The following PNPT1 variants were observed in gnomAD, a reference collection of about 807,000 sequenced individuals.
PNPT1 encodes the protein polyribonucleotide nucleotidyltransferase 1.
A neutral mutation model predicts 119.5 loss-of-function variants in PNPT1; 53 were observed. That is an observed-to-expected ratio of 0.44 (90% CI 0.36 to 0.56). PNPT1 has a LOEUF of 0.56. Among genes scored for constraint, PNPT1 ranks in the 20% least tolerant of loss-of-function variants. The probability of loss-of-function intolerance (pLI) is 0.00; values close to 1 mark genes in which losing one functional copy is unlikely to be tolerated. For synonymous variants in PNPT1, 357 were observed against 322.1 expected (o/e 1.11, Z -1.16); for missense variants, 948 against 938.5 (o/e 1.01, Z -0.13).
At chr2:55,647,518 A>T (rs1696039703) in intron 18 of PNPT1, 65 bp from the exon 19 acceptor site, 3 of 1,288,872 alleles carry the variant, frequency 2.3e-6, no homozygotes, top group Non-Finnish European at 3.2e-6. Flanking sequence ...ATATTTATCT[A>T]TCAATTTTTT....
intron 17 of PNPT1, among the ~76,000 whole-genome samples, chr2:55,655,415 C>T (rs1221763979): frequency 6.6e-6 from 1 of 152,170 alleles, no homozygotes; most frequent in Non-Finnish European, 1.5e-5. Context: ...CCACCAAGCC[C>T]AGCCTATCAC....
At chr2:55,656,007 T>C (rs1479899584) in intron 17 of PNPT1, 124 bp downstream of exon 17, 13 of 1,214,612 alleles carry the variant, frequency 1.1e-5, no homozygotes, top group Non-Finnish European at 1.5e-5. Flanking sequence ...TCAATACATT[T>C]TTCTCTTGCA....
chr2:55,646,918 A>G (rs1461292371), intron 19 of PNPT1, among the ~76,000 whole-genome samples: 1 of 152,086 alleles, frequency 6.6e-6, no homozygotes, highest in East Asian at 1.9e-4. Context: ...GGCTCACTGC[A>G]ACCTCTGCCT....
intron 2 of PNPT1, 42 bp downstream of exon 2, chr2:55,687,603 T>C (rs1697453832): frequency 6.8e-6 from 10 of 1,471,284 alleles, no homozygotes; most frequent in South Asian, 1.3e-5. Flanking sequence ...TGAGTCTCCG[T>C]AACCATTTTT....
In PNPT1 at chr2:55,637,582, G is replaced by A. The variant is rs983072995; in HGVS notation, c.2166C>T (p.Ala722=). The change falls in exon 27 of 28, where the codon GCC becomes GCT. Residue 722 remains alanine, a synonymous_variant. Coordinates refer to ENST00000447944, the MANE Select transcript of PNPT1 (RefSeq NM_033109.5). ...TTTCTTGGCCAACTTCTAATCCTAG[G>A]GCAGTAGGATGTTTAATCTGGAAAA... is the stretch of plus-strand genomic sequence containing the variant. ...LDQRKIKHPT[A]LGLEVGQEIQ... The A allele has an allele frequency of 3.1e-6, 5 of 1,604,652 alleles. No individual in the cohort carries two copies. Among genetic ancestry groups the A allele is most frequent in the Non-Finnish European group, 3.4e-6 (4 of 1,171,556 alleles).
intron 23 of PNPT1, among the ~76,000 whole-genome samples, chr2:55,644,076 T>G (rs1449504911): frequency 5.3e-5 from 8 of 152,136 alleles, no homozygotes; most frequent in Non-Finnish European, 1.0e-4. Context: ...CTTTCCTTAC[T>G]TTTTTTCTTT....
At chr2:55,647,966 T>C (rs1336352532) in intron 18 of PNPT1, among the ~76,000 whole-genome samples, 1 of 152,248 alleles carries the variant, frequency 6.6e-6, no homozygotes, top group African/African-American at 2.4e-5. Flanking sequence ...AAACAAGTAC[T>C]ATATCCAGCA....
intron 18 of PNPT1, among the ~76,000 whole-genome samples, chr2:55,648,385 G>C (rs1696071242): frequency 6.6e-6 from 1 of 152,294 alleles, no homozygotes; most frequent in East Asian, 1.9e-4. Flanking sequence ...GAGTCAAAAG[G>C]TATGTGCATT....
Position 55,679,351 on chromosome 2 carries a change from G to T in PNPT1, c.679+331C>A, listed in dbSNP as rs1012291205. Among the ~76,000 whole-genome samples, 8 of 151,956 alleles carry T rather than the reference G, an allele frequency of 5.3e-5. No individual in the cohort carries two copies. The East Asian group carries it at 1.5e-3, about 29-fold the overall frequency. On this transcript the variant is annotated intron_variant, in intron 8 of 27. Transcript: ENST00000447944. The stretch of plus-strand genomic sequence containing the variant: ...TTCTATTTTTAAAATAAGTTATTTA[G>T]ACTAATAACTTATTAGTCTAAACAT...
In PNPT1 at chr2:55,647,358, T is replaced by C; in HGVS notation, c.1591A>G (p.Thr531Ala). The change falls in exon 19 of 28, where the codon ACA becomes GCA. Residue 531 changes from threonine (T) to alanine (A), a missense_variant. Physicochemically the swap from Thr to Ala is moderately conservative, Grantham distance 58 (BLOSUM62 0). Transcript: ENST00000447944. ...KGEIEDYRLL[T>A]DILGIEDYNG... ...GAGAATATACTTGCCAAAATATCTG[T>C]CAGCAAACGATAATCTTCTATTTCA... The C allele has an allele frequency of 6.2e-7, 1 of 1,606,270 alleles. No individual in the cohort carries two copies. Among genetic ancestry groups the C allele is most frequent in the Non-Finnish European group, 8.5e-7 (1 of 1,175,838 alleles).
At chr2:55,650,857 G>C (rs1434550842) in intron 18 of PNPT1, among the ~76,000 whole-genome samples, 2 of 151,968 alleles carry the variant, frequency 1.3e-5, no homozygotes, top group Admixed American at 1.3e-4. Flanking sequence ...GAAGTGAGGA[G>C]CGTCTCTGCC....
At chr2:55,650,720 C>T (rs1384778647) in intron 18 of PNPT1, among the ~76,000 whole-genome samples, 9 of 151,554 alleles carry the variant, frequency 5.9e-5, no homozygotes, top group South Asian at 2.1e-4. Flanking sequence ...CCGGCCGCCC[C>T]GTCTGAGAAG....
intron 13 of PNPT1, among the ~76,000 whole-genome samples, chr2:55,664,824 T>G (rs1472052208): frequency 1.3e-5 from 2 of 152,026 alleles, no homozygotes; most frequent in African/African-American, 2.4e-5. Context: ...AAAACCTGAA[T>G]CAAAGGTGAC....
At chr2:55,683,360 A>C (rs1697305149) in intron 5 of PNPT1, among the ~76,000 whole-genome samples, 1 of 152,190 alleles carries the variant, frequency 6.6e-6, no homozygotes, top group East Asian at 1.9e-4. Flanking sequence ...CACGCCTGTA[A>C]TCCTAGCACT....
chr2:55,687,545 T>A (rs1175540236), intron 2 of PNPT1, 100 bp downstream of exon 2: 1 of 845,536 alleles, frequency 1.2e-6, no homozygotes, highest in Non-Finnish European at 1.8e-6. Flanking sequence ...TAATTTCCAG[T>A]ACCAAAATTC....
chr2:55,663,990 A>G (rs1398795562), intron 13 of PNPT1, among the ~76,000 whole-genome samples: 1 of 152,164 alleles, frequency 6.6e-6, no homozygotes, highest in Non-Finnish European at 1.5e-5. Context: ...CTCCATCCCA[A>G]AAAAAGAAAA....
chr2:55,645,541 G>A, intron 21 of PNPT1, 109 bp from the exon 22 acceptor site: 1 of 663,232 alleles, frequency 1.5e-6, no homozygotes, highest in Non-Finnish European at 2.5e-6. Flanking sequence ...CTTAATAATT[G>A]AAGCTTTCCA....
intron 15 of PNPT1, among the ~76,000 whole-genome samples, chr2:55,659,244 C>T (rs1696487191): frequency 6.6e-6 from 1 of 152,164 alleles, no homozygotes; most frequent in Non-Finnish European, 1.5e-5. Context: ...TATGAGCTAC[C>T]ATGCCCTGCT....
At chr2:55,672,799 A>G (rs1696954018) in intron 9 of PNPT1, 94 bp downstream of exon 9, 4 of 1,151,990 alleles carry the variant, frequency 3.5e-6, no homozygotes, top group Non-Finnish European at 4.9e-6. Flanking sequence ...TTATGAAGTA[A>G]TGCATGGGCA....
Sources: allele counts gnomAD v4.1 joint callset (sites outside exome capture counted in the v4.1 genomes callset), GRCh38; gene constraint gnomAD v4.1.1; transcripts MANE v1.5; gene names NCBI Gene and HGNC (gene_info 2026-07-23, HGNC 2026-07-21).